Variants in SATB2 observed in about 807,000 individuals in gnomAD.
SATB2 encodes SATB homeobox 2, also known as DNA-binding protein SATB2.
In SATB2, 1 loss-of-function variant was observed where a neutral mutation model predicts 73.4. The ratio of observed to expected loss-of-function variants is 0.01; its 90% CI spans 0.00 to 0.06. The LOEUF (loss-of-function observed/expected upper bound fraction) is 0.06, where lower values mean the gene tolerates loss of function less well. Ranked by LOEUF, SATB2 falls within the 10% of genes least tolerant of loss-of-function variation. SATB2 has a pLI of 1.00. For missense variants in SATB2, 459 were observed against 945.8 expected (o/e 0.49, Z 6.75); for synonymous variants, 397 against 367.0 (o/e 1.08, Z -0.93).
chr2:199,418,090 T>G (rs1224101245), intron 3 of SATB2, among the ~76,000 whole-genome samples: 3 of 152,226 alleles, frequency 2.0e-5, no homozygotes, highest in Non-Finnish European at 4.4e-5. Context: ...ACTAACATGA[T>G]TCAGCCCTTA....
chr2:199,294,218 G>T (rs562741138), intron 10 of SATB2, among the ~76,000 whole-genome samples: 2 of 152,120 alleles, frequency 1.3e-5, no homozygotes, highest in Non-Finnish European at 2.9e-5. Flanking sequence ...TGTTCATATG[G>T]TATAAAGTAC....
intron 3 of SATB2, among the ~76,000 whole-genome samples, chr2:199,405,044 G>A (rs1019236051): frequency 5.9e-5 from 9 of 152,320 alleles, no homozygotes; most frequent in Admixed American, 3.3e-4. Flanking sequence ...TGGGCTGAAT[G>A]TGAGTTGGCA....
In SATB2 at chr2:199,307,315, T is replaced by C. The variant is rs548732723; in HGVS notation, c.1740+1445A>G. On this transcript the variant is annotated intron_variant, in intron 10 of 10. Coordinates refer to ENST00000417098, the MANE Select transcript of SATB2 (RefSeq NM_001172509.2). Reference sequence around the variant, plus strand: ...AAAATAAAAGGTTGGAAAGCCTACATTGGGCCCCTCTTTAATTTTAATTTC... The same window carrying C: ...AAAATAAAAGGTTGGAAAGCCTACACTGGGCCCCTCTTTAATTTTAATTTC... Among the ~76,000 whole-genome samples the C allele has an allele frequency of 4.6e-5, 7 of 152,316 alleles. No homozygotes were observed. In the East Asian group the frequency reaches 1.4e-3, roughly 29 times the overall value.
chr2:199,422,415 C>A (rs1164407721), intron 3 of SATB2, among the ~76,000 whole-genome samples: 1 of 151,610 alleles, frequency 6.6e-6, no homozygotes, highest in Non-Finnish European at 1.5e-5. Flanking sequence ...TAGGGTCTAA[C>A]AAAACAGGCT....
At chr2:199,430,244 G>T (rs1378839766) in intron 3 of SATB2, among the ~76,000 whole-genome samples, 1 of 152,118 alleles carries the variant, frequency 6.6e-6, no homozygotes, top group Non-Finnish European at 1.5e-5. Context: ...TGGGAGAGTG[G>T]GGCAGTTCCC....
rs553070726 is a variant in SATB2, at chr2:199,306,747, A to C, written c.1740+2013T>G. ...ATGTTGAATATATTTTTAGCTACCT[A>C]AATACAGGGCCCAACGAGATGATAA... On this transcript the variant is annotated intron_variant, in intron 10 of 10. Coordinates refer to ENST00000417098, the MANE Select transcript of SATB2 (RefSeq NM_001172509.2). 5.3e-5 allele frequency among the ~76,000 whole-genome samples: 8 copies of C among 152,290 alleles called. No individual in the cohort carries two copies. The South Asian group carries it at 1.7e-3, about 32-fold the overall frequency.
At chr2:199,424,097 A>C (rs1354254983) in intron 3 of SATB2, among the ~76,000 whole-genome samples, 2 of 152,240 alleles carry the variant, frequency 1.3e-5, no homozygotes, top group African/African-American at 4.8e-5. Flanking sequence ...AGAGGCAGAC[A>C]GATAGAGGAA....
intron 2 of SATB2, among the ~76,000 whole-genome samples, chr2:199,434,993 T>A (rs1222380252): frequency 2.0e-5 from 3 of 152,130 alleles, no homozygotes; most frequent in Non-Finnish European, 4.4e-5. Flanking sequence ...TAATACTCAT[T>A]AAGAATTGTT....
chr2:199,420,138 G>T (rs1691121199), intron 3 of SATB2, among the ~76,000 whole-genome samples: 1 of 152,140 alleles, frequency 6.6e-6, no homozygotes, highest in African/African-American at 2.4e-5. Context: ...TCACTTACTT[G>T]CTGTGTACCC....
intron 5 of SATB2, among the ~76,000 whole-genome samples, chr2:199,372,289 A>G (rs1215522960): frequency 6.6e-6 from 1 of 152,192 alleles, no homozygotes; most frequent in East Asian, 1.9e-4. Flanking sequence ...TTCAGAAATC[A>G]AACTGTATTA....
At chr2:199,367,861 G>A (rs2105849167) in intron 6 of SATB2, among the ~76,000 whole-genome samples, 1 of 152,084 alleles carries the variant, frequency 6.6e-6, no homozygotes, top group East Asian at 1.9e-4. Flanking sequence ...TAAAAGTCTA[G>A]GTGATCTAAA....
intron 10 of SATB2, among the ~76,000 whole-genome samples, chr2:199,288,660 G>C (rs1357377842): frequency 6.6e-6 from 1 of 152,062 alleles, no homozygotes; most frequent in Non-Finnish European, 1.5e-5. Flanking sequence ...CTTAATAACA[G>C]GACTTGAGAA....
chr2:199,393,354 T>A (rs1167010798), intron 3 of SATB2, among the ~76,000 whole-genome samples: 2 of 152,198 alleles, frequency 1.3e-5, no homozygotes, highest in African/African-American at 4.8e-5. Flanking sequence ...GTTGACCTTG[T>A]GCTCTCAGAC....
chr2:199,453,007 G>C (rs1280127462), intron 2 of SATB2, among the ~76,000 whole-genome samples: 1 of 152,094 alleles, frequency 6.6e-6, no homozygotes, highest in East Asian at 1.9e-4. Context: ...GACAGTGACA[G>C]TGTATCTACC....
intron 6 of SATB2, among the ~76,000 whole-genome samples, chr2:199,363,647 TCA>T (rs1279298895): frequency 1.3e-5 from 2 of 152,184 alleles, no homozygotes; most frequent in Non-Finnish European, 2.9e-5. Flanking sequence ...GATGTTCTCA[TCA>T]CAAAAAATGT....
intron 5 of SATB2, among the ~76,000 whole-genome samples, chr2:199,378,353 AATTGTGAATG>A (rs1689664015): frequency 6.6e-6 from 1 of 152,246 alleles, no homozygotes; most frequent in African/African-American, 2.4e-5. Flanking sequence ...AGAGAAAATT[AATTGTGAATG>A]ATTGTGAAAT....
rs71015892 is a variant in SATB2, at chr2:199,328,548, TTAAAA to T, written c.1386+145_1386+149del. On this transcript the variant is annotated intron_variant, in intron 8 of 10. Transcript: ENST00000417098. ...AAAGCAAGACTCCATCTCAAAAAAA[TTAAAA>T]TAAAATAAAATAAAATAAGAAAAGA... 291 of 591,644 alleles carry T rather than the reference TTAAAA, an allele frequency of 4.9e-4. 1 individual carries two copies. The African/African-American group carries it at 4.9e-3, about 10-fold the overall frequency. The allele number at this position is 591,644 out of a possible 1,614,324, so 36.6% of individuals were successfully genotyped here.
chr2:199,305,251 G>A (rs1687396887), intron 10 of SATB2, among the ~76,000 whole-genome samples: 1 of 152,054 alleles, frequency 6.6e-6, no homozygotes, highest in Admixed American at 6.5e-5. Flanking sequence ...ATTGGCTCCA[G>A]CCACATAAAA....
intron 10 of SATB2, among the ~76,000 whole-genome samples, chr2:199,284,974 T>TTACA (rs1260449398): frequency 2.6e-5 from 4 of 152,126 alleles, no homozygotes; most frequent in African/African-American, 9.7e-5. Flanking sequence ...CTACACCATT[T>TTACA]TACATAAGGG....
Sources: allele counts gnomAD v4.1 joint callset (sites outside exome capture counted in the v4.1 genomes callset), GRCh38; gene constraint gnomAD v4.1.1; transcripts MANE v1.5; gene names NCBI Gene and HGNC (gene_info 2026-07-23, HGNC 2026-07-21).